DCC: variants seen among roughly 807,000 people sequenced by gnomAD.
DCC encodes DCC netrin 1 receptor, also known as netrin receptor DCC.
DCC carries 58 observed loss-of-function variants against 172.5 expected under a neutral mutation model. The ratio of observed to expected loss-of-function variants is 0.34; its 90% confidence interval spans 0.27 to 0.42. DCC has a LOEUF of 0.42. Ranked by LOEUF, DCC falls within the 10% of genes least tolerant of loss-of-function variation. The probability of loss-of-function intolerance (pLI) is 1.00; values close to 1 mark genes in which losing one functional copy is unlikely to be tolerated. For missense variants in DCC, 1,740 were observed against 1,791.0 expected, an observed-to-expected ratio of 0.97 and a Z score of 0.51; for synonymous variants, 709 against 644.5, an observed-to-expected ratio of 1.10 and a Z score of -1.52.
intron 27 of DCC, among the ~76,000 whole-genome samples, chr18:53,513,963 C>CTAAT (rs746360642): frequency 6.6e-6 from 1 of 150,790 alleles, no homozygotes; most frequent in Non-Finnish European, 1.5e-5. Flanking sequence ...CCAAGCAGAC[C>CTAAT]TAATACACAT....
At chr18:52,587,319 G>T (rs965943543) in intron 1 of DCC, among the ~76,000 whole-genome samples, 1 of 152,174 alleles carries the variant, frequency 6.6e-6, no homozygotes, top group African/African-American at 2.4e-5. Flanking sequence ...TGGCCACTTT[G>T]TTCATAGACC....
intron 5 of DCC, among the ~76,000 whole-genome samples, chr18:53,052,459 A>G (rs970009529): frequency 1.4e-4 from 21 of 151,590 alleles, no homozygotes; most frequent in African/African-American, 4.9e-4. Flanking sequence ...TATATTTACT[A>G]TGCCTGTCTT....
At chr18:53,073,597 G>C (rs1258575402) in intron 7 of DCC, among the ~76,000 whole-genome samples, 1 of 151,810 alleles carries the variant, frequency 6.6e-6, no homozygotes, top group Non-Finnish European at 1.5e-5. Flanking sequence ...CTCTAACATT[G>C]GTTAAAAAAA....
chr18:53,468,974 A>G (rs1378549360), intron 25 of DCC, among the ~76,000 whole-genome samples: 1 of 152,072 alleles, frequency 6.6e-6, no homozygotes, highest in Non-Finnish European at 1.5e-5. Flanking sequence ...TCCCACCTCA[A>G]TTCATAAATT....
At chr18:52,446,917 T>C (rs564961969) in intron 1 of DCC, among the ~76,000 whole-genome samples, 1 of 152,218 alleles carries the variant, frequency 6.6e-6, no homozygotes, top group Non-Finnish European at 1.5e-5. Context: ...GACATTTCAA[T>C]TCAATTGATT....
intron 12 of DCC, among the ~76,000 whole-genome samples, chr18:53,260,705 G>A (rs1390737224): frequency 1.3e-5 from 2 of 152,078 alleles, no homozygotes; most frequent in East Asian, 3.9e-4. Context: ...CCATGTGCTG[G>A]GAGAACCACT....
intron 12 of DCC, among the ~76,000 whole-genome samples, chr18:53,228,797 A>G (rs1207473601): frequency 2.0e-5 from 3 of 152,168 alleles, no homozygotes; most frequent in Non-Finnish European, 4.4e-5. Context: ...ACAATACCTT[A>G]AACCAGTTAC....
At chr18:53,528,753 C>G (rs115937491) in intron 28 of DCC, among the ~76,000 whole-genome samples, 2,676 of 152,122 alleles carry the variant, frequency 0.018, 96 homozygotes, top group African/African-American at 0.062. Context: ...ATTATCATCT[C>G]AACATGCAAT....
intron 1 of DCC, among the ~76,000 whole-genome samples, chr18:52,368,949 A>C (rs1166669825): frequency 6.6e-6 from 1 of 152,160 alleles, no homozygotes; most frequent in East Asian, 1.9e-4. Flanking sequence ...GTTGTTGTTG[A>C]TCCTCCATGT....
chr18:52,985,045 T>C (rs921139205), intron 5 of DCC, among the ~76,000 whole-genome samples: 7 of 152,158 alleles, frequency 4.6e-5, no homozygotes, highest in African/African-American at 1.7e-4. Flanking sequence ...AAATACATTT[T>C]TCTTAAATAT....
At chr18:53,041,839 G>C (rs1185348230) in intron 5 of DCC, among the ~76,000 whole-genome samples, 1 of 152,034 alleles carries the variant, frequency 6.6e-6, no homozygotes, top group Non-Finnish European at 1.5e-5. Flanking sequence ...GAATGCTTGT[G>C]ATTTTTCCAC....
At position 53,334,265 on chromosome 18, in the gene DCC, A is replaced by G. The variant is rs142175550; in HGVS notation, c.2165-5448A>G. ...CAATGAGACCACACTTCACACCTCCATTCCTGCCAGTCAAGACCATTTAAG... is the reference window on the plus strand; with the variant it reads ...CAATGAGACCACACTTCACACCTCCGTTCCTGCCAGTCAAGACCATTTAAG... On this transcript the variant is annotated intron_variant, in intron 14 of 28. Transcript: ENST00000442544. Among the ~76,000 whole-genome samples, 608 of 152,250 alleles carry G rather than the reference A, an allele frequency of 4.0e-3. 1 individual carries two copies. The highest frequency in any genetic ancestry group is 7.5e-3 in the Non-Finnish European group (512 of 68,018).
At chr18:52,759,843 A>G (rs758130376) in intron 2 of DCC, among the ~76,000 whole-genome samples, 22 of 152,242 alleles carry the variant, frequency 1.4e-4, no homozygotes, top group Non-Finnish European at 2.9e-4. Context: ...AAACAAAGTT[A>G]TACACAAGTA....
At chr18:53,035,504 G>C (rs2143975521) in intron 5 of DCC, among the ~76,000 whole-genome samples, 1 of 152,166 alleles carries the variant, frequency 6.6e-6, no homozygotes, top group Admixed American at 6.6e-5. Flanking sequence ...ATGAAATCAA[G>C]TGTATTTTAT....
At chr18:53,446,474 A>G (rs1322232684) in intron 22 of DCC, among the ~76,000 whole-genome samples, 1 of 152,186 alleles carries the variant, frequency 6.6e-6, no homozygotes. Context: ...GGGCAATGTC[A>G]CTTGCCCCTT....
At chr18:52,362,876 G>A (rs916170807) in intron 1 of DCC, among the ~76,000 whole-genome samples, 3 of 151,752 alleles carry the variant, frequency 2.0e-5, no homozygotes, top group Non-Finnish European at 4.4e-5. Flanking sequence ...TCATTCATTC[G>A]TTCATTTCCT....
chr18:52,748,033 C>A (rs1007823233), intron 1 of DCC, among the ~76,000 whole-genome samples: 2 of 152,222 alleles, frequency 1.3e-5, no homozygotes, highest in Non-Finnish European at 2.9e-5. Context: ...CTGCGGTCGG[C>A]TCGTGCTACG....
intron 2 of DCC, among the ~76,000 whole-genome samples, chr18:52,898,806 C>G (rs957493622): frequency 6.6e-6 from 1 of 151,904 alleles, no homozygotes; most frequent in Admixed American, 6.6e-5. Flanking sequence ...TTGGGTTGTG[C>G]CTAGCTTCTG....
At chr18:52,955,158 T>C (rs2040721618) in intron 5 of DCC, among the ~76,000 whole-genome samples, 1 of 152,176 alleles carries the variant, frequency 6.6e-6, no homozygotes. Context: ...GTATCCATTA[T>C]AGCATCATGC....
Sources: gnomAD v4.1 joint callset for allele counts (sites outside exome capture counted in the v4.1 genomes callset) on GRCh38, gnomAD v4.1.1 for gene constraint, MANE v1.5 for transcripts, NCBI Gene and HGNC (gene_info 2026-07-23, HGNC 2026-07-21) for gene names.